Variants in PCGF6 observed in about 807,000 individuals in gnomAD.
PCGF6 encodes polycomb group ring finger 6.
Under a neutral mutation model 45.5 loss-of-function variants are expected in PCGF6, and 24 were observed. The ratio of observed to expected loss-of-function variants is 0.53; its 90% CI spans 0.38 to 0.74. The LOEUF (loss-of-function observed/expected upper bound fraction) is 0.74, where lower values mean the gene tolerates loss of function less well. Ranked by LOEUF, PCGF6 falls within the 30% of genes least tolerant of loss-of-function variation. The pLI is 0.00. For synonymous variants in PCGF6, 152 were observed against 162.1 expected (o/e 0.94, Z 0.47); for missense variants, 356 against 443.2 (o/e 0.80, Z 1.77).
chr10:103,310,759 T>C (rs2093154520), intron 9 of PCGF6, among the ~76,000 whole-genome samples: 2 of 152,138 alleles, frequency 1.3e-5, no homozygotes, highest in South Asian at 4.2e-4. Flanking sequence ...TGGAGTGCAG[T>C]GGTGTGATCA....
intron 8 of PCGF6, among the ~76,000 whole-genome samples, chr10:103,320,020 A>C (rs2093191254): frequency 6.6e-6 from 1 of 151,966 alleles, no homozygotes; most frequent in African/African-American, 2.4e-5. Context: ...GTGGGCCAGG[A>C]TGGTCTCCAT....
chr10:103,344,850 G>A (rs1314361846), intron 6 of PCGF6, among the ~76,000 whole-genome samples, 174 bp downstream of exon 6: 2 of 152,016 alleles, frequency 1.3e-5, no homozygotes, highest in African/African-American at 2.4e-5. Context: ...GATTACAGGC[G>A]TGAGCCACTG....
Position 103,317,218 on chromosome 10 carries a change from C to T in PCGF6, c.910-2946G>A, listed in dbSNP as rs756651298. 4.6e-5 allele frequency among the ~76,000 whole-genome samples: 7 copies of T among 152,114 alleles called. No individual in the cohort carries two copies. In the South Asian group the frequency reaches 6.2e-4, roughly 14 times the overall value. On this transcript the variant is annotated intron_variant, in intron 8 of 9. Coordinates refer to ENST00000369847, the MANE Select transcript of PCGF6 (RefSeq NM_001011663.2). ...TGGAGATGGGATTTCCCCATGTTGG[C>T]CAGCCTGGTCTCAAACTCCTAACCT...
At position 103,350,978 on chromosome 10, in the gene PCGF6, G is replaced by A; in HGVS notation, c.89C>T (p.Ser30Phe). ...GGGTGCAGGGGTGAGGGCGGGCGGG[G>A]AGACAGGAGGCGGAGGCGGCAAGGC... Reference protein sequence around the residue: ...AAALPPPPPVSPPALTPAPAA... With the variant: ...AAALPPPPPVFPPALTPAPAA... Residue 30 changes from serine to phenylalanine, a missense_variant, in exon 1 of 10, where the codon TCC (serine) becomes TTC (phenylalanine). By Grantham distance (155) the Ser-to-Phe change is radical (BLOSUM62 -2). Around this residue, in one of 2 missense-constraint regions of PCGF6, gnomAD observed 307 missense variants for 350.1 expected, o/e 0.88. Coordinates refer to ENST00000369847, the MANE Select transcript of PCGF6 (RefSeq NM_001011663.2). 4.2e-6 allele frequency: 6 copies of A among 1,421,394 alleles called. No individual in the cohort carries two copies. The highest frequency in any genetic ancestry group is 5.5e-6 in the Non-Finnish European group (6 of 1,089,426). The allele number at this position is 1,421,394 out of a possible 1,614,324, so 88.0% of individuals were successfully genotyped here. A position where few individuals can be genotyped will look rare whatever the true frequency, so the allele number is the denominator to read the frequency against.
At chr10:103,322,507 A>T (rs1354035446) in intron 8 of PCGF6, among the ~76,000 whole-genome samples, 1 of 150,864 alleles carries the variant, frequency 6.6e-6, no homozygotes, top group Non-Finnish European at 1.5e-5. Context: ...CGGCCAGCCC[A>T]AAATATTTTG....
At position 103,339,809 on chromosome 10, in the gene PCGF6, AAACACACACACACACACAC is replaced by A. The variant is rs2093272639; in HGVS notation, c.782+5196_782+5214del. 2.6e-4 allele frequency among the ~76,000 whole-genome samples: 10 copies of A among 38,666 alleles called. 1 individual carries two copies. Among genetic ancestry groups the A allele is most frequent in the African/African-American group, 6.8e-4 (8 of 11,742 alleles). 25.4% of individuals were successfully genotyped at this position (38,666 alleles called of 152,430 possible). A position where few individuals can be genotyped will look rare whatever the true frequency, so the allele number is the denominator to read the frequency against. On this transcript the variant is annotated intron_variant, in intron 6 of 9. Coordinates refer to ENST00000369847, the MANE Select transcript of PCGF6 (RefSeq NM_001011663.2). ...CGAAATTCTGTCTGTCTCAAAAAAA[AAACACACACACACACACAC>A]ACACACACACACACACACACACACA...
rs1044972376 is a variant in PCGF6, at chr10:103,340,390, T to G, written c.782+4634A>C. On this transcript the variant is annotated intron_variant, in intron 6 of 9. Coordinates refer to ENST00000369847, the MANE Select transcript of PCGF6 (RefSeq NM_001011663.2). ...TAACAACTTTAGTAATGGTAATGAC[T>G]GCCTTGAGCAGTGTGGTCAAGTCTC... 4.0e-5 allele frequency among the ~76,000 whole-genome samples: 6 copies of G among 151,896 alleles called. No individual in the cohort carries two copies. In the South Asian group the frequency reaches 1.2e-3, roughly 31 times the overall value.
intron 9 of PCGF6, among the ~76,000 whole-genome samples, chr10:103,311,422 G>A (rs1179013688): frequency 2.0e-5 from 3 of 151,196 alleles, no homozygotes; most frequent in Middle Eastern, 3.5e-3. Flanking sequence ...GATTACAGGT[G>A]TGAGCCACTG....
intron 9 of PCGF6, among the ~76,000 whole-genome samples, chr10:103,310,756 C>A (rs139965356): frequency 1.6e-4 from 25 of 152,176 alleles, no homozygotes; most frequent in African/African-American, 6.0e-4. Flanking sequence ...GGCTGGAGTG[C>A]AGTGGTGTGA....
At position 103,303,895 on chromosome 10, in the gene PCGF6, C is replaced by G. The variant is rs749059991; in HGVS notation, c.*10G>C. 1.1e-5 allele frequency: 17 copies of G among 1,605,336 alleles called. No individual in the cohort carries two copies. The Admixed American group carries it at 2.8e-4, about 27-fold the overall frequency. ...CCTTTGTTTCCCTCCTCATAATGTGCCTAGAATCTTCAAGTTATCTTCAGA... is the reference window on the plus strand; with the variant it reads ...CCTTTGTTTCCCTCCTCATAATGTGGCTAGAATCTTCAAGTTATCTTCAGA... On this transcript the variant is annotated 3_prime_UTR_variant, in exon 10 of 10. Coordinates refer to ENST00000369847, the MANE Select transcript of PCGF6 (RefSeq NM_001011663.2).
intron 9 of PCGF6, among the ~76,000 whole-genome samples, chr10:103,313,519 A>T (rs1290525457): frequency 6.6e-6 from 1 of 152,000 alleles, no homozygotes; most frequent in Non-Finnish European, 1.5e-5. Flanking sequence ...GAGCTGAGAT[A>T]GTGCCACTGC....
intron 7 of PCGF6, among the ~76,000 whole-genome samples, chr10:103,332,837 G>A (rs2093244707): frequency 1.3e-5 from 2 of 152,050 alleles, no homozygotes; most frequent in African/African-American, 4.8e-5. Context: ...ATTTATGGTC[G>A]GGCGCAGTGG....
At chr10:103,333,351 G>C (rs2093246790) in intron 7 of PCGF6, among the ~76,000 whole-genome samples, 1 of 151,964 alleles carries the variant, frequency 6.6e-6, no homozygotes, top group Non-Finnish European at 1.5e-5. Flanking sequence ...AATCTAAACA[G>C]ATCAAAGTCA....
At chr10:103,305,807 A>G (rs1018918716) in intron 9 of PCGF6, among the ~76,000 whole-genome samples, 2 of 151,712 alleles carry the variant, frequency 1.3e-5, no homozygotes, top group African/African-American at 2.4e-5. Context: ...CAACACTTTG[A>G]GAGTCCGAGG....
In PCGF6 at chr10:103,350,900, C is replaced by T. The variant is rs1473582138; in HGVS notation, c.167G>A (p.Cys56Tyr). ...APLSETGAPG[C>Y]SGSRPPELEP... ...CAGCTCAGGGGGCCGGGAGCCGGAG[C>T]AGCCGGGAGCCCCCGTCTCAGACAG... Residue 56 changes from cysteine to tyrosine, a missense_variant, in exon 1 of 10, where the codon TGC becomes TAC. Cys to Tyr is a radical substitution (Grantham distance 194, BLOSUM62 -2). Around this residue, in one of 2 missense-constraint regions of PCGF6, gnomAD observed 307 missense variants for 350.1 expected, o/e 0.88. Transcript: ENST00000369847. 1.3e-6 allele frequency: 2 copies of T among 1,526,326 alleles called. No individual in the cohort carries two copies. Among genetic ancestry groups the T allele is most frequent in the East Asian group, 5.1e-5 (2 of 39,492 alleles). 94.5% of individuals were successfully genotyped at this position (1,526,326 alleles called of 1,614,324 possible).
chr10:103,321,728 T>C (rs780239478), intron 8 of PCGF6, among the ~76,000 whole-genome samples: 9 of 151,310 alleles, frequency 5.9e-5, no homozygotes, highest in Non-Finnish European at 1.3e-4. Context: ...AAACAAACAA[T>C]AATAATAATA....
At chr10:103,348,649 T>C (rs1158530215) in intron 3 of PCGF6, 67 bp downstream of exon 3, 3 of 1,199,514 alleles carry the variant, frequency 2.5e-6, no homozygotes, top group Non-Finnish European at 2.3e-6. Context: ...TTATTCCAAC[T>C]ATATAACTTC....
chr10:103,304,114 T>C (rs1020409657), intron 9 of PCGF6, among the ~76,000 whole-genome samples, 153 bp from the exon 10 acceptor site: 2 of 151,732 alleles, frequency 1.3e-5, no homozygotes, highest in Non-Finnish European at 2.9e-5. Flanking sequence ...TAGTTTCTTA[T>C]TCACCAAACA....
intron 8 of PCGF6, among the ~76,000 whole-genome samples, chr10:103,321,636 C>T (rs540560300): frequency 6.6e-6 from 1 of 151,920 alleles, no homozygotes; most frequent in Non-Finnish European, 1.5e-5. Flanking sequence ...GGCATGAACC[C>T]GGGAGGCGGA....
Sources: gnomAD v4.1 joint callset for allele counts (sites outside exome capture counted in the v4.1 genomes callset) on GRCh38, gnomAD v4.1.1 for gene constraint, gnomAD v4.1.1 regional missense constraint, MANE v1.5 for transcripts, NCBI Gene and HGNC (gene_info 2026-07-23, HGNC 2026-07-21) for gene names.